Variants in DIP2C observed in about 807,000 individuals in gnomAD.
The protein encoded by DIP2C is DIP2 acetate--CoA ligase C (putative), also known as disco-interacting protein 2 homolog C.
In DIP2C, 33 loss-of-function variants were observed where a neutral mutation model predicts 192.4. The ratio of observed to expected loss-of-function variants is 0.17; its 90% CI spans 0.13 to 0.23. The LOEUF is 0.23. Among genes scored for constraint, DIP2C ranks in the 10% least tolerant of loss-of-function variants. The probability of loss-of-function intolerance (pLI) is 1.00; values close to 1 mark genes in which losing one functional copy is unlikely to be tolerated. For synonymous variants in DIP2C, 979 were observed against 864.1 expected, an observed-to-expected ratio of 1.13 and a Z score of -2.33; for missense variants, 1,537 against 2,110.1, an observed-to-expected ratio of 0.73 and a Z score of 5.32.
intron 1 of DIP2C, among the ~76,000 whole-genome samples, chr10:518,298 G>T (rs952431142): frequency 1.3e-5 from 2 of 152,244 alleles, no homozygotes; most frequent in African/African-American, 2.4e-5. Flanking sequence ...TGCCAGGATA[G>T]CTTATGAGTA....
chr10:631,398 C>T (rs966813652), intron 1 of DIP2C: 1 of 152,200 alleles, frequency 6.6e-6, no homozygotes, highest in African/African-American at 2.4e-5. Context: ...CTGCAGCAGT[C>T]TCCATCCTAA....
intron 1 of DIP2C, among the ~76,000 whole-genome samples, chr10:527,498 T>C (rs1257377565): frequency 6.6e-6 from 1 of 152,220 alleles, no homozygotes; most frequent in East Asian, 1.9e-4. Context: ...TCATTTCTAC[T>C]TGCAACCTTG....
intron 4 of DIP2C, among the ~76,000 whole-genome samples, chr10:431,650 T>G (rs1430596391): frequency 6.6e-6 from 1 of 152,230 alleles, no homozygotes; most frequent in Non-Finnish European, 1.5e-5. Flanking sequence ...TTAAACTCAA[T>G]TCTTTTGGAT....
intron 4 of DIP2C, among the ~76,000 whole-genome samples, chr10:440,295 G>T (rs1967624880): frequency 6.6e-6 from 1 of 152,142 alleles, no homozygotes; most frequent in Admixed American, 6.5e-5. Flanking sequence ...AGTTTTATTG[G>T]TACACAGCCA....
intron 1 of DIP2C, among the ~76,000 whole-genome samples, chr10:659,159 A>G (rs1444551986): frequency 5.3e-5 from 8 of 152,262 alleles, no homozygotes; most frequent in Admixed American, 2.6e-4. Flanking sequence ...CATACACATA[A>G]CATGCACACA....
At chr10:483,345 A>G (rs1379415577) in intron 2 of DIP2C, among the ~76,000 whole-genome samples, 1 of 152,254 alleles carries the variant, frequency 6.6e-6, no homozygotes, top group African/African-American at 2.4e-5. Context: ...GTCACGTCCC[A>G]TGGGGCCAAC....
chr10:591,622 A>AT (rs147919015), intron 1 of DIP2C, among the ~76,000 whole-genome samples: 76 of 152,340 alleles, frequency 5.0e-4, no homozygotes, highest in African/African-American at 1.8e-3. Flanking sequence ...TGAGAATAAG[A>AT]TCAAGCTGTT....
chr10:670,254 AC>A (rs1830556892), intron 1 of DIP2C, among the ~76,000 whole-genome samples: 2 of 151,832 alleles, frequency 1.3e-5, no homozygotes, highest in African/African-American at 4.9e-5. Flanking sequence ...GCACACACGT[AC>A]ATGCACATAC....
intron 1 of DIP2C, among the ~76,000 whole-genome samples, chr10:506,080 G>A (rs149630487): frequency 1.2e-4 from 19 of 152,282 alleles, no homozygotes; most frequent in African/African-American, 4.1e-4. Flanking sequence ...TGTGCTGCTA[G>A]GTACTGTTAT....
chr10:557,134 T>G (rs1028992008), intron 1 of DIP2C, among the ~76,000 whole-genome samples: 2 of 152,146 alleles, frequency 1.3e-5, no homozygotes, highest in Non-Finnish European at 2.9e-5. Flanking sequence ...AGACCAGCAC[T>G]CCTATGTCTC....
chr10:378,585 GCAGA>G (rs1363153424), intron 17 of DIP2C, among the ~76,000 whole-genome samples: 9 of 87,642 alleles, frequency 1.0e-4, no homozygotes, highest in Admixed American at 2.3e-4. Flanking sequence ...ACATGTGAAC[GCAGA>G]CATAGACACA....
chr10:661,454 G>A (rs887992122), intron 1 of DIP2C, among the ~76,000 whole-genome samples: 1 of 152,114 alleles, frequency 6.6e-6, no homozygotes, highest in Admixed American at 6.5e-5. Context: ...ACCAGCTTCC[G>A]CCGTGACCCC....
intron 1 of DIP2C, among the ~76,000 whole-genome samples, chr10:658,849 T>C (rs1378678722): frequency 1.3e-5 from 2 of 152,210 alleles, no homozygotes; most frequent in African/African-American, 2.4e-5. Context: ...TTAAAATATC[T>C]CTCTCCCTGA....
chr10:439,536 G>A (rs1036272279), intron 4 of DIP2C, among the ~76,000 whole-genome samples: 3 of 152,204 alleles, frequency 2.0e-5, no homozygotes, highest in Non-Finnish European at 2.9e-5. Flanking sequence ...AGGACCGCCT[G>A]AGCCCAGGTG....
At chr10:487,862 C>T (rs1426660412) in intron 1 of DIP2C, among the ~76,000 whole-genome samples, 1 of 152,312 alleles carries the variant, frequency 6.6e-6, no homozygotes, top group African/African-American at 2.4e-5. Context: ...AGGCGTGAGC[C>T]ACCGTGCCCA....
chr10:630,875 C>A (rs148717221), intron 1 of DIP2C: 1 of 152,282 alleles, frequency 6.6e-6, no homozygotes, highest in Admixed American at 6.5e-5. Flanking sequence ...GCACAGGCAA[C>A]GGCAGGGCCC....
intron 1 of DIP2C, among the ~76,000 whole-genome samples, chr10:685,362 A>G (rs566802251): frequency 2.2e-4 from 34 of 152,002 alleles, no homozygotes; most frequent in African/African-American, 7.7e-4. Context: ...CGGCTACATT[A>G]ACTAGCAGAG....
intron 2 of DIP2C, among the ~76,000 whole-genome samples, chr10:477,315 A>G (rs1310150000): frequency 1.0e-3 from 1 of 962 alleles, no homozygotes; most frequent in African/African-American, 5.3e-3. Context: ...TGGATAGGAG[A>G]GAGGAGAGGG....
intron 3 of DIP2C, among the ~76,000 whole-genome samples, chr10:466,731 G>A (rs1245452568): frequency 2.0e-5 from 3 of 151,726 alleles, no homozygotes; most frequent in Non-Finnish European, 4.4e-5. Context: ...CAAAGGACAT[G>A]AACAGACACT....
Sources: gnomAD v4.1 joint callset for allele counts (sites outside exome capture counted in the v4.1 genomes callset) on GRCh38, gnomAD v4.1.1 for gene constraint, MANE v1.5 for transcripts, NCBI Gene and HGNC (gene_info 2026-07-23, HGNC 2026-07-21) for gene names.